GNA14: variants seen among roughly 807,000 people sequenced by gnomAD.
GNA14 encodes G protein subunit alpha 14.
GNA14 carries 50 observed loss-of-function variants against 42.0 expected under a neutral mutation model. The ratio of observed to expected loss-of-function variants is 1.19; its 90% CI spans 0.95 to 1.51. GNA14 has a LOEUF of 1.51. Among genes scored for constraint, GNA14 ranks in the 40% most tolerant of loss-of-function variants. The probability of loss-of-function intolerance (pLI) is 0.00; values close to 1 mark genes in which losing one functional copy is unlikely to be tolerated. For synonymous variants in GNA14, 173 were observed against 163.1 expected, an observed-to-expected ratio of 1.06 and a Z score of -0.46; for missense variants, 473 against 446.2, an observed-to-expected ratio of 1.06 and a Z score of -0.54.
intron 1 of GNA14, among the ~76,000 whole-genome samples, chr9:77,637,321 G>A (rs952175404): frequency 3.3e-5 from 5 of 151,734 alleles, no homozygotes; most frequent in East Asian, 1.9e-4. Flanking sequence ...CTTGACTCTC[G>A]TTATAATAGA....
chr9:77,630,941 A>G (rs573118973), intron 1 of GNA14, among the ~76,000 whole-genome samples: 18 of 152,346 alleles, frequency 1.2e-4, no homozygotes, highest in African/African-American at 4.1e-4. Flanking sequence ...CCCCAACATT[A>G]GAGTCTATTT....
intron 1 of GNA14, among the ~76,000 whole-genome samples, chr9:77,584,862 T>A (rs1823279565): frequency 6.6e-6 from 1 of 152,146 alleles, no homozygotes; most frequent in South Asian, 2.1e-4. Flanking sequence ...ATAGGGTAAC[T>A]TCCTGATGTT....
chr9:77,624,624 C>G (rs995018779), intron 1 of GNA14, among the ~76,000 whole-genome samples: 2 of 152,178 alleles, frequency 1.3e-5, no homozygotes, highest in African/African-American at 4.8e-5. Context: ...GATACCCAGG[C>G]AAACTGGGTC....
intron 4 of GNA14, among the ~76,000 whole-genome samples, chr9:77,430,261 A>G (rs1260835022): frequency 6.6e-6 from 1 of 152,234 alleles, no homozygotes; most frequent in Non-Finnish European, 1.5e-5. Flanking sequence ...GTTGTAAAGT[A>G]ATAGATTTCA....
chr9:77,576,286 G>C (rs572575992), intron 1 of GNA14, among the ~76,000 whole-genome samples: 2 of 152,248 alleles, frequency 1.3e-5, no homozygotes, highest in South Asian at 4.1e-4. Context: ...CAAAAATAAA[G>C]ATAGTTATGA....
intron 2 of GNA14, among the ~76,000 whole-genome samples, chr9:77,445,524 G>C (rs1384359043): frequency 6.9e-6 from 1 of 145,186 alleles, no homozygotes; most frequent in East Asian, 2.0e-4. Context: ...ACCACCCTGG[G>C]CCGCAAAGTG....
intron 5 of GNA14, among the ~76,000 whole-genome samples, chr9:77,426,290 CTGT>C (rs757977096): frequency 1.4e-5 from 2 of 143,650 alleles, no homozygotes; most frequent in Non-Finnish European, 3.0e-5. Flanking sequence ...GGTGACCATA[CTGT>C]TGTTCAGAAC....
At chr9:77,549,917 C>T (rs1837768833) in intron 1 of GNA14, among the ~76,000 whole-genome samples, 1 of 152,194 alleles carries the variant, frequency 6.6e-6, no homozygotes, top group Admixed American at 6.5e-5. Flanking sequence ...GATCCCAAAC[C>T]CACTTCTAGG....
At chr9:77,458,051 T>C (rs1405611800) in intron 2 of GNA14, among the ~76,000 whole-genome samples, 1 of 152,224 alleles carries the variant, frequency 6.6e-6, no homozygotes. Context: ...TTTCCTTTTG[T>C]AGTGATAGCC....
At chr9:77,525,873 A>T (rs911998951) in intron 2 of GNA14, among the ~76,000 whole-genome samples, 55 of 148,198 alleles carry the variant, frequency 3.7e-4, no homozygotes, top group African/African-American at 1.3e-3. Flanking sequence ...AATCTCACCC[A>T]TACCTAATTT....
chr9:77,581,111 T>C (rs545422846), intron 1 of GNA14, among the ~76,000 whole-genome samples: 5 of 152,218 alleles, frequency 3.3e-5, no homozygotes, highest in East Asian at 3.9e-4. Flanking sequence ...GATAACTAGA[T>C]CTATCTGCAG....
chr9:77,457,708 C>T (rs1489724944), intron 2 of GNA14, among the ~76,000 whole-genome samples: 1 of 152,122 alleles, frequency 6.6e-6, no homozygotes, highest in Non-Finnish European at 1.5e-5. Context: ...CTATAGACAC[C>T]CTCACGCCGC....
At chr9:77,507,864 G>A (rs997650876) in intron 2 of GNA14, among the ~76,000 whole-genome samples, 5 of 151,946 alleles carry the variant, frequency 3.3e-5, no homozygotes, top group African/African-American at 9.7e-5. Flanking sequence ...TCATCACTGC[G>A]CCCACCACCA....
intron 2 of GNA14, among the ~76,000 whole-genome samples, chr9:77,493,342 T>C (rs537965947): frequency 1.8e-4 from 27 of 152,260 alleles, no homozygotes; most frequent in Non-Finnish European, 3.1e-4. Flanking sequence ...GCTGCTTATC[T>C]TCCTTTTTTG....
intron 2 of GNA14, among the ~76,000 whole-genome samples, chr9:77,515,879 A>G (rs1024356261): frequency 2.0e-5 from 3 of 147,458 alleles, no homozygotes; most frequent in African/African-American, 5.1e-5. Context: ...AGGATTGCTT[A>G]AGCCTGGGAG....
At chr9:77,545,818 G>A (rs182432219) in intron 1 of GNA14, among the ~76,000 whole-genome samples, 209 of 152,188 alleles carry the variant, frequency 1.4e-3, no homozygotes, top group Non-Finnish European at 2.5e-3. Context: ...CGTTGCATTT[G>A]CCATGATCTT....
chr9:77,641,168 GGAAGGA>G (rs1564073640), intron 1 of GNA14, among the ~76,000 whole-genome samples: 5 of 134,422 alleles, frequency 3.7e-5, no homozygotes, highest in East Asian at 2.5e-4. Context: ...AAGGAAGGAA[GGAAGGA>G]AGGGCAAAGG....
intron 1 of GNA14, among the ~76,000 whole-genome samples, chr9:77,600,217 G>A (rs190819710): frequency 1.9e-3 from 294 of 152,326 alleles, no homozygotes; most frequent in African/African-American, 6.6e-3. Context: ...AGTTAAAGGA[G>A]AGAGGAAAGC....
rs532537153 is a variant in GNA14 at position 77,629,052 on chromosome 9, C to A, written c.124+18618G>T. On this transcript the variant is annotated intron_variant, in intron 1 of 6. Coordinates refer to ENST00000341700, the MANE Select transcript of GNA14 (RefSeq NM_004297.4). The stretch of plus-strand genomic sequence containing the variant: ...TAAACGAATTTACAAGAAAAAAAAA[C>A]CCCATCAAAAAGTGGCCACAGGATA... Among the ~76,000 whole-genome samples the A allele has an allele frequency of 2.7e-4, 41 of 151,868 alleles. 1 individual carries two copies. In the East Asian group the frequency reaches 3.1e-3, roughly 11 times the overall value.
Sources: gnomAD v4.1 joint callset for allele counts (sites outside exome capture counted in the v4.1 genomes callset) on GRCh38, gnomAD v4.1.1 for gene constraint, MANE v1.5 for transcripts, NCBI Gene and HGNC (gene_info 2026-07-23, HGNC 2026-07-21) for gene names.